Variants in STX8 observed in about 807,000 individuals in gnomAD.
STX8 encodes syntaxin 8.
A neutral mutation model predicts 37.5 loss-of-function variants in STX8; 23 were observed. The observed-to-expected ratio is 0.61, with a 90% CI of 0.44 to 0.87. The LOEUF (loss-of-function observed/expected upper bound fraction) is 0.87, where lower values mean the gene tolerates loss of function less well. Among genes scored for constraint, STX8 ranks in the 40% least tolerant of loss-of-function variants. STX8 has a pLI of 0.00. For missense variants in STX8, 313 were observed against 284.7 expected (o/e 1.10, Z -0.71); for synonymous variants, 115 against 99.1 (o/e 1.16, Z -0.95).
Position 9,271,919 on chromosome 17 carries a change from G to C in STX8, c.644-21274C>G, listed in dbSNP as rs35268767. On this transcript the variant is annotated intron_variant, in intron 7 of 7. Transcript: ENST00000306357. ...AGAAGAAACCGTGGCTTTCTCTGGC[G>C]ACTATAAGTACGGATAATGGGCCAG... 2.6e-3 allele frequency among the ~76,000 whole-genome samples: 394 copies of C among 152,078 alleles called. 1 individual carries two copies. The highest frequency in any genetic ancestry group is 9.2e-3 in the African/African-American group (381 of 41,472).
rs376336290 is a variant in STX8, at chr17:9,327,786, C to T, written c.643+50766G>A. On this transcript the variant is annotated intron_variant, in intron 7 of 7. Coordinates refer to ENST00000306357, the MANE Select transcript of STX8 (RefSeq NM_004853.3). ...CACCTCCTGGGCCTGAGTGATCCCC[C>T]TGCCTCAGCCTCCTGAATACTGGGA... 1.5e-3 allele frequency among the ~76,000 whole-genome samples: 222 copies of T among 152,298 alleles called. 1 individual carries two copies. The highest frequency in any genetic ancestry group is 4.8e-3 in the African/African-American group (201 of 41,570).
intron 6 of STX8, among the ~76,000 whole-genome samples, chr17:9,401,507 A>T (rs952610468): frequency 3.3e-5 from 5 of 152,208 alleles, no homozygotes; most frequent in African/African-American, 1.2e-4. Flanking sequence ...GCCCACATGG[A>T]TTACGTAACT....
intron 6 of STX8, among the ~76,000 whole-genome samples, chr17:9,439,737 G>T (rs1358699928): frequency 6.6e-6 from 1 of 151,780 alleles, no homozygotes; most frequent in Non-Finnish European, 1.5e-5. Context: ...CTTGTGATCT[G>T]CCTGCCTCGG....
intron 6 of STX8, among the ~76,000 whole-genome samples, chr17:9,421,947 C>T (rs1199808960): frequency 6.6e-6 from 1 of 152,152 alleles, no homozygotes; most frequent in Non-Finnish European, 1.5e-5. Context: ...CTCTCTTCCT[C>T]CTGCTCCGGC....
chr17:9,527,007 G>A (rs1450536883), intron 4 of STX8, among the ~76,000 whole-genome samples: 20 of 148,296 alleles, frequency 1.3e-4, no homozygotes, highest in African/African-American at 4.5e-4. Context: ...GTGAAACCCC[G>A]TCTCTACTAA....
At chr17:9,300,901 C>T (rs1323462032) in intron 7 of STX8, among the ~76,000 whole-genome samples, 8 of 134,534 alleles carry the variant, frequency 5.9e-5, no homozygotes, top group East Asian at 2.2e-4. Context: ...GATGCAATCT[C>T]GGCTCACTGC....
chr17:9,431,383 T>A (rs1442967113), intron 6 of STX8, among the ~76,000 whole-genome samples: 1 of 151,796 alleles, frequency 6.6e-6, no homozygotes, highest in Non-Finnish European at 1.5e-5. Flanking sequence ...GCTCATTTTT[T>A]AATAAATTAT....
chr17:9,413,811 T>A (rs1015145669), intron 6 of STX8, among the ~76,000 whole-genome samples: 1 of 152,102 alleles, frequency 6.6e-6, no homozygotes, highest in African/African-American at 2.4e-5. Context: ...CGTGTATACC[T>A]CAACGGAAAA....
At chr17:9,523,734 C>G (rs1203536708) in intron 4 of STX8, among the ~76,000 whole-genome samples, 1 of 152,146 alleles carries the variant, frequency 6.6e-6, no homozygotes. Flanking sequence ...AATATTCAAC[C>G]AATTGTGCAA....
chr17:9,361,292 T>C, intron 7 of STX8, among the ~76,000 whole-genome samples: 1 of 152,222 alleles, frequency 6.6e-6, no homozygotes, highest in Non-Finnish European at 1.5e-5. Flanking sequence ...CCAAGGGACT[T>C]GGCAAAGGAG....
chr17:9,534,175 A>G (rs1905933382), intron 4 of STX8, among the ~76,000 whole-genome samples: 1 of 129,014 alleles, frequency 7.8e-6, no homozygotes, highest in Non-Finnish European at 1.8e-5. Flanking sequence ...AATTATTGAT[A>G]GTTTTCATAT....
rs148734849 is a variant in STX8 at position 9,414,188 on chromosome 17, G to A, written c.542-35535C>T. ...CAAATGCCAGCATCCAAGAGGTGGC[G>A]AAAATCCAGCACAGACTCCTGAGTG... On this transcript the variant is annotated intron_variant, in intron 6 of 7. Coordinates refer to ENST00000306357, the MANE Select transcript of STX8 (RefSeq NM_004853.3). Among the ~76,000 whole-genome samples the A allele has an allele frequency of 4.5e-3, 660 of 145,530 alleles. 1 individual carries two copies. The highest frequency in any genetic ancestry group is 5.9e-3 in the Non-Finnish European group (391 of 66,238).
At chr17:9,337,607 T>G (rs1368661433) in intron 7 of STX8, among the ~76,000 whole-genome samples, 1 of 152,224 alleles carries the variant, frequency 6.6e-6, no homozygotes, top group African/African-American at 2.4e-5. Flanking sequence ...CCTCAGGTGA[T>G]CTGCCCGCCT....
intron 4 of STX8, among the ~76,000 whole-genome samples, chr17:9,541,824 T>TA (rs1906288785): frequency 6.6e-6 from 1 of 152,098 alleles, no homozygotes. Context: ...GCCTACCATA[T>TA]AAAAAACAAA....
chr17:9,561,214 C>A (rs966218366), intron 2 of STX8, among the ~76,000 whole-genome samples: 2 of 152,110 alleles, frequency 1.3e-5, no homozygotes, highest in Admixed American at 1.3e-4. Context: ...AGATCACCAA[C>A]AAACATGCTG....
intron 6 of STX8, among the ~76,000 whole-genome samples, chr17:9,405,940 T>G (rs1912786409): frequency 6.6e-6 from 1 of 152,240 alleles, no homozygotes; most frequent in Admixed American, 6.5e-5. Context: ...ATGACACTGC[T>G]TTTTCTCAGA....
chr17:9,553,080 A>T (rs1183470265), intron 3 of STX8: 4 of 152,178 alleles, frequency 2.6e-5, no homozygotes, highest in African/African-American at 9.7e-5. Flanking sequence ...AATGCCAACA[A>T]AAGGATAAGT....
intron 6 of STX8, among the ~76,000 whole-genome samples, chr17:9,404,528 C>T (rs1405386613): frequency 6.6e-6 from 1 of 151,926 alleles, no homozygotes; most frequent in Admixed American, 6.6e-5. Context: ...GATCTCAGCT[C>T]ACTGCAACCT....
chr17:9,305,321 G>T (rs933583979), intron 7 of STX8, among the ~76,000 whole-genome samples: 1 of 152,088 alleles, frequency 6.6e-6, no homozygotes, highest in South Asian at 2.1e-4. Context: ...TTGAACTCCT[G>T]ACCTCGTGGT....
Sources: allele counts gnomAD v4.1 joint callset (sites outside exome capture counted in the v4.1 genomes callset), GRCh38; gene constraint gnomAD v4.1.1; transcripts MANE v1.5; gene names NCBI Gene and HGNC (gene_info 2026-07-23, HGNC 2026-07-21).